Variants in ZNF282 observed in about 807,000 individuals in gnomAD.
ZNF282 encodes zinc finger protein 282, also known as HTLV-I U5 repressive element-binding protein 1.
ZNF282 carries 30 observed loss-of-function variants against 61.9 expected under a neutral mutation model. The ratio of observed to expected loss-of-function variants is 0.48; its 90% CI spans 0.36 to 0.66. The LOEUF (loss-of-function observed/expected upper bound fraction) is 0.66. Ranked by LOEUF, ZNF282 falls within the 30% of genes least tolerant of loss-of-function variation. The probability of loss-of-function intolerance (pLI) is 0.00; values close to 1 mark genes in which losing one functional copy is unlikely to be tolerated. For missense variants in ZNF282, 788 were observed against 941.4 expected (o/e 0.84, Z 2.13); for synonymous variants, 396 against 405.0 (o/e 0.98, Z 0.27).
At chr7:149,204,914 C>T (rs764924730) in intron 2 of ZNF282, among the ~76,000 whole-genome samples, 21 of 152,038 alleles carry the variant, frequency 1.4e-4, no homozygotes, top group Non-Finnish European at 1.9e-4. Context: ...GTCAGGAGAT[C>T]GAGACCATCC....
chr7:149,203,144 A>C (rs17628750), intron 2 of ZNF282, among the ~76,000 whole-genome samples: 15,276 of 152,242 alleles, frequency 0.1, 810 homozygotes, highest in Middle Eastern at 0.16. Context: ...TGTCTAGCAC[A>C]ATCAGCATTT....
In ZNF282 at chr7:149,212,417, G is replaced by A. The variant is rs137930836; in HGVS notation, c.1012G>A (p.Val338Met). ...SRIKQEEHQCVWDQQDLADRD... is the reference protein window; with the variant it reads ...SRIKQEEHQCMWDQQDLADRD... ...GATTAAACAGGAGGAGCATCAGTGC[G>A]TGTGGGATCAGCAGGATTTGGCAGA... The change falls in exon 6 of 8, where the codon GTG (valine) becomes ATG (methionine). Residue 338 changes from valine (V) to methionine (M), a missense_variant. Transcript: ENST00000610704. 5.0e-5 allele frequency: 80 copies of A among 1,613,434 alleles called. No homozygotes were observed. The highest frequency in any genetic ancestry group is 8.3e-5 in the Admixed American group (5 of 59,928).
chr7:149,223,225 C>T (rs550662680), intron 7 of ZNF282, among the ~76,000 whole-genome samples: 19 of 152,012 alleles, frequency 1.2e-4, no homozygotes, highest in Admixed American at 8.5e-4. Flanking sequence ...CCGCCCACCT[C>T]GGTCTCCCAA....
chr7:149,197,456 G>A (rs1034249825), intron 1 of ZNF282, among the ~76,000 whole-genome samples: 6 of 152,220 alleles, frequency 3.9e-5, no homozygotes, highest in African/African-American at 1.4e-4. Context: ...TGGTAGGAAT[G>A]TGGTGGGTTT....
intron 1 of ZNF282, 64 bp downstream of exon 1, chr7:149,195,818 G>C: frequency 7.7e-7 from 1 of 1,291,660 alleles, no homozygotes; most frequent in South Asian, 2.5e-5. Context: ...GCTGGGCCGC[G>C]GGACCGGGCC....
chr7:149,203,802 A>C (rs1458521432), intron 2 of ZNF282, among the ~76,000 whole-genome samples: 1 of 152,236 alleles, frequency 6.6e-6, no homozygotes, highest in African/African-American at 2.4e-5. Context: ...ATTATCAATA[A>C]AACGAAGATG....
Position 149,198,711 on chromosome 7 carries a change from G to A in ZNF282, c.544G>A (p.Val182Ile). 1 of 1,613,868 alleles carries A rather than the reference G, an allele frequency of 6.2e-7. No homozygotes were observed. The highest frequency in any genetic ancestry group is 8.5e-7 in the Non-Finnish European group (1 of 1,179,922). ...CTTGCTGCGCAACAGGAACTTCTGG[G>A]TCCTGCGGCTGCCCCCGGGCAGCAA... ...ENLLRNRNFW[V>I]LRLPPGSKGE... The change falls in exon 2 of 8, where the codon GTC becomes ATC. Residue 182 changes from valine (V) to isoleucine (I), a missense_variant. By Grantham distance (29) the Val-to-Ile change is conservative (BLOSUM62 3). Coordinates refer to ENST00000610704, the MANE Select transcript of ZNF282 (RefSeq NM_003575.4). The surrounding 1 kb of genome is among the most constrained non-coding windows in gnomAD (Gnocchi z 4.3).
chr7:149,210,502 A>C lies in ZNF282; in HGVS notation c.833-83A>C, dbSNP rs963214112. On this transcript the variant is annotated intron_variant, in intron 4 of 7. Transcript: ENST00000610704. ...GCATGCAGAAAAAAAGACACAAAGC[A>C]ATGTCATTCTCTGTTCCCAGGAGCA... The C allele has an allele frequency of 8.9e-6, 14 of 1,571,856 alleles. No individual in the cohort carries two copies. The African/African-American group carries it at 1.9e-4, about 21-fold the overall frequency.
intron 7 of ZNF282, among the ~76,000 whole-genome samples, chr7:149,218,222 C>T (rs1419427151): frequency 6.6e-6 from 1 of 151,818 alleles, no homozygotes; most frequent in East Asian, 1.9e-4. Context: ...GGAGCCATGT[C>T]TGAGGCTCAT....
intron 4 of ZNF282, 104 bp downstream of exon 4, chr7:149,207,574 G>A: frequency 3.3e-6 from 5 of 1,493,432 alleles, no homozygotes; most frequent in Non-Finnish European, 4.5e-6. Flanking sequence ...TGCACCATGG[G>A]GCGAGGGTCT....
At chr7:149,212,255 G>T in intron 5 of ZNF282, 103 bp from the exon 6 acceptor site, 1 of 741,952 alleles carries the variant, frequency 1.3e-6, no homozygotes, top group Non-Finnish European at 2.2e-6. Flanking sequence ...TGATGTTTAG[G>T]GGAAAGAGAT....
At chr7:149,204,407 G>A (rs553046197) in intron 2 of ZNF282, among the ~76,000 whole-genome samples, 1 of 152,302 alleles carries the variant, frequency 6.6e-6, no homozygotes, top group South Asian at 2.1e-4. Flanking sequence ...CTCTTGGGAT[G>A]TTCCCAGTGA....
At chr7:149,197,599 A>C (rs1795839402) in intron 1 of ZNF282, among the ~76,000 whole-genome samples, 1 of 152,130 alleles carries the variant, frequency 6.6e-6, no homozygotes, top group African/African-American at 2.4e-5. Context: ...CAGCCTCCCA[A>C]GTAGCTGGGA....
rs141536445 is a variant in ZNF282, at chr7:149,224,194, C to T, written c.1563C>T (p.Pro521=). ...HGARSKPYSC[P]ECGKSFGVRK... Reference sequence around the variant, plus strand: ...CCCGCAGCAAGCCCTACTCGTGCCCCGAGTGCGGCAAGAGCTTCGGCGTGC... The same window carrying T: ...CCCGCAGCAAGCCCTACTCGTGCCCTGAGTGCGGCAAGAGCTTCGGCGTGC... The change falls in exon 8 of 8, where the codon CCC becomes CCT. Residue 521 remains proline, a synonymous_variant. Transcript: ENST00000610704. The T allele has an allele frequency of 5.5e-5, 89 of 1,605,478 alleles. No homozygotes were observed. The highest frequency in any genetic ancestry group is 7.4e-5 in the Non-Finnish European group (87 of 1,179,494).
intron 2 of ZNF282, among the ~76,000 whole-genome samples, chr7:149,201,034 G>C (rs183817776): frequency 3.3e-5 from 5 of 152,198 alleles, no homozygotes; most frequent in African/African-American, 9.6e-5. Context: ...AATTCATTTG[G>C]ATGTCAGTAA....
chr7:149,218,743 C>T (rs936048811), intron 7 of ZNF282, among the ~76,000 whole-genome samples: 2 of 152,150 alleles, frequency 1.3e-5, no homozygotes, highest in African/African-American at 4.8e-5. Context: ...GACCAGCTGG[C>T]TACAAATTCT....
intron 1 of ZNF282, among the ~76,000 whole-genome samples, chr7:149,197,315 CTAA>C (rs1795833656): frequency 6.6e-6 from 1 of 152,230 alleles, no homozygotes; most frequent in South Asian, 2.1e-4. Context: ...CTCTTCACCT[CTAA>C]TGAGTGACCT....
chr7:149,197,063 C>T (rs1795828647), intron 1 of ZNF282, among the ~76,000 whole-genome samples: 1 of 152,248 alleles, frequency 6.6e-6, no homozygotes. Context: ...CCAGTGAGCC[C>T]TGAGTCTGAC....
intron 7 of ZNF282, among the ~76,000 whole-genome samples, chr7:149,216,922 A>T (rs1796167513): frequency 6.6e-6 from 1 of 152,228 alleles, no homozygotes; most frequent in Admixed American, 6.5e-5. Context: ...ATGTTAGTGT[A>T]AGACAAGAAG....
Sources: allele counts gnomAD v4.1 joint callset (sites outside exome capture counted in the v4.1 genomes callset), GRCh38; gene constraint gnomAD v4.1.1; non-coding constraint Gnocchi (gnomAD v3.1); transcripts MANE v1.5; gene names NCBI Gene and HGNC (gene_info 2026-07-23, HGNC 2026-07-21).